The following SYMPK variants were observed in gnomAD, a reference collection of about 807,000 sequenced individuals.
SYMPK encodes symplekin scaffold protein.
A neutral mutation model predicts 136.4 loss-of-function variants in SYMPK; 49 were observed. The ratio of observed to expected loss-of-function variants is 0.36; its 90% CI spans 0.29 to 0.46. The LOEUF (loss-of-function observed/expected upper bound fraction) is 0.46, where lower values mean the gene tolerates loss of function less well. Ranked by LOEUF, SYMPK falls within the 20% of genes least tolerant of loss-of-function variation. The pLI is 1.00. For synonymous variants in SYMPK, 766 were observed against 713.0 expected, an observed-to-expected ratio of 1.07 and a Z score of -1.19; for missense variants, 1,365 against 1,690.0, an observed-to-expected ratio of 0.81 and a Z score of 3.37.
At position 45,827,873 on chromosome 19, in the gene SYMPK, A is replaced by G. The variant is rs1329686722; in HGVS notation, c.2031T>C (p.Ser677=). 6.2e-7 allele frequency: 1 copy of G among 1,613,846 alleles called. No individual in the cohort carries two copies. The highest frequency in any genetic ancestry group is 1.7e-5 in the Admixed American group (1 of 60,020). Residue 677 remains serine (S), a synonymous_variant, in exon 15 of 27, where the codon AGT becomes AGC. Transcript: ENST00000245934. ...VVLEAPLITE[S]ALEVVRKYCE... Reference sequence around the variant, plus strand: ...AGTACTTGCGGACCACCTCCAGGGCACTCTCTGTGATGAGTGGCGCCTCCA... The same window carrying G: ...AGTACTTGCGGACCACCTCCAGGGCGCTCTCTGTGATGAGTGGCGCCTCCA...
intron 14 of SYMPK, chr19:45,828,228 A>G (rs534287902): frequency 3.0e-6 from 1 of 329,226 alleles, no homozygotes; most frequent in East Asian, 7.8e-5. Context: ...GGTATTTTAG[A>G]TATGGTGGCC....
chr19:45,827,951 G>C (rs780086364), intron 14 of SYMPK, 33 bp from the exon 15 acceptor site: 1 of 1,607,704 alleles, frequency 6.2e-7, no homozygotes, highest in East Asian at 2.2e-5. Flanking sequence ...CATGGCTGCA[G>C]AGGAAGAGGC....
At chr19:45,835,047 C>G in intron 11 of SYMPK, 31 bp downstream of exon 11, 2 of 1,493,620 alleles carry the variant, frequency 1.3e-6, no homozygotes, top group Non-Finnish European at 9.0e-7. Flanking sequence ...GTGCCAATCC[C>G]TGGCCCAGGT....
Position 45,851,864 on chromosome 19 carries a change from G to A in SYMPK, c.299+448C>T, listed in dbSNP as rs554240203. Among the ~76,000 whole-genome samples the A allele has an allele frequency of 9.2e-4, 140 of 152,254 alleles. 1 individual carries two copies. Among genetic ancestry groups the A allele is most frequent in the African/African-American group, 3.0e-3 (124 of 41,534 alleles). On this transcript the variant is annotated intron_variant, in intron 5 of 26. Transcript: ENST00000245934. ...ACTCAAGCCTGGACAACAGTTGAGC[G>A]AGACTCCGTCTCAAAACAAACAAAC...
At chr19:45,842,683 A>G in intron 8 of SYMPK, 194 bp from the exon 9 acceptor site, 1 of 660,458 alleles carries the variant, frequency 1.5e-6, no homozygotes, top group Non-Finnish European at 2.5e-6. Context: ...CATCAGTATC[A>G]GTCAATCTTA....
intron 20 of SYMPK, among the ~76,000 whole-genome samples, chr19:45,823,156 C>T (rs73940327): frequency 0.014 from 2,074 of 152,316 alleles, 50 homozygotes; most frequent in African/African-American, 0.047. Flanking sequence ...GAGCCATTGG[C>T]ACCCGGGTGC....
At chr19:45,838,719 A>C in intron 9 of SYMPK, 104 bp from the exon 10 acceptor site, 1 of 1,234,448 alleles carries the variant, frequency 8.1e-7, no homozygotes, top group Non-Finnish European at 1.1e-6. Flanking sequence ...AGCCTCAGCA[A>C]ACAGGAGCAA....
rs143619467 is a variant in SYMPK at position 45,838,542 on chromosome 19, C to T, written c.1161G>A (p.Ala387=). ...PGPSGTSKAS[A]QISGQSDTDI... ...CCGTGTCTGACTGGCCGGAGATCTG[C>T]GCTGAGGCCTTCGAGGTCCCCGACG... The change falls in exon 10 of 27, where the codon GCG becomes GCA. Residue 387 remains alanine, a synonymous_variant. Transcript: ENST00000245934. 98 of 1,614,160 alleles carry T rather than the reference C, an allele frequency of 6.1e-5. No homozygotes were observed. Among genetic ancestry groups the T allele is most frequent in the African/African-American group, 4.5e-4 (34 of 75,050 alleles).
intron 23 of SYMPK, among the ~76,000 whole-genome samples, chr19:45,817,417 C>CTTTTTTTTTTTTTTTTTTTTTTTTTT (rs559430104): frequency 9.2e-6 from 1 of 108,480 alleles, no homozygotes; most frequent in African/African-American, 3.5e-5. Context: ...TTTTTGTTCT[C>CTTTTTTTTTTTTTTTTTTTTTTTTTT]TTTTTTTTTT....
At chr19:45,835,042 A>G in intron 11 of SYMPK, 36 bp downstream of exon 11, 1 of 1,479,440 alleles carries the variant, frequency 6.8e-7, no homozygotes, top group East Asian at 2.3e-5. Flanking sequence ...CACAAGTGCC[A>G]ATCCCTGGCC....
intron 23 of SYMPK, 141 bp downstream of exon 23, chr19:45,817,815 ACTG>A: frequency 2.4e-6 from 2 of 833,054 alleles, no homozygotes; most frequent in East Asian, 2.7e-5. Flanking sequence ...ACCCTGGAGC[ACTG>A]CTATTTTCTT....
At chr19:45,853,873 T>C (rs1051392368) in intron 3 of SYMPK, among the ~76,000 whole-genome samples, 3 of 151,682 alleles carry the variant, frequency 2.0e-5, no homozygotes, top group African/African-American at 7.3e-5. Context: ...TGATGAAGAG[T>C]GTAGGATTTG....
intron 18 of SYMPK, chr19:45,824,154 C>G (rs964070642): frequency 2.3e-5 from 9 of 388,330 alleles, no homozygotes; most frequent in Non-Finnish European, 3.8e-5. Flanking sequence ...GACCTGACCT[C>G]GAATGCCCAC....
rs773759865 is a variant in SYMPK, at chr19:45,827,515, CCTT to C, written c.2173_2175del (p.Lys725del). The C allele has an allele frequency of 4.3e-6, 7 of 1,613,526 alleles. No homozygotes were observed. Among genetic ancestry groups the C allele is most frequent in the Non-Finnish European group, 5.9e-6 (7 of 1,179,594 alleles). ...GAAGTGGAGGAGGGGATCACCTTGTCCTTCTCATGGGAGCTGAGGTCGAGGAGG... is the reference window on the plus strand; with the variant it reads ...GAAGTGGAGGAGGGGATCACCTTGTCCTCATGGGAGCTGAGGTCGAGGAGG... On this transcript the variant is annotated inframe_deletion, in exon 16 of 27. Coordinates refer to ENST00000245934, the MANE Select transcript of SYMPK (RefSeq NM_004819.3).
At position 45,816,351 on chromosome 19, in the gene SYMPK, G is replaced by GAGAC. The variant is rs528836303; in HGVS notation, c.3354+127_3354+130dup. ...AACTCCCAGCAGGAGCATCCCCTGG[G>GAGAC]AGACGGGTGGCCCAGAGGCAGGGGT... On this transcript the variant is annotated intron_variant, in intron 25 of 26. Transcript: ENST00000245934. 4.3e-4 allele frequency: 565 copies of GAGAC among 1,311,526 alleles called. 15 individuals are homozygous for GAGAC. In the South Asian group the frequency reaches 7.8e-3, roughly 18 times the overall value. 81.2% of individuals were successfully genotyped at this position (1,311,526 alleles called of 1,614,324 possible). A position where few individuals can be genotyped will look rare whatever the true frequency, so the allele number is the denominator to read the frequency against.
intron 20 of SYMPK, 39 bp downstream of exon 20, chr19:45,823,333 T>G: frequency 6.3e-7 from 1 of 1,597,902 alleles, no homozygotes. Flanking sequence ...GTCCCACATG[T>G]CCCAGGTAGC....
chr19:45,852,585 G>C, intron 3 of SYMPK, 50 bp from the exon 4 acceptor site: 2 of 1,607,626 alleles, frequency 1.2e-6, no homozygotes, highest in Non-Finnish European at 1.7e-6. Flanking sequence ...TAAAACGAGG[G>C]GCCAATCAAT....
chr19:45,828,880 A>G lies in SYMPK; in HGVS notation c.1985+90T>C. On this transcript the variant is annotated intron_variant, in intron 14 of 26. Coordinates refer to ENST00000245934, the MANE Select transcript of SYMPK (RefSeq NM_004819.3). Reference sequence around the variant, plus strand: ...AGGAGGACTGACTCGGGGGGTGACGAAGAGGGAGGTGGTCGCAATCAGAAA... The same window carrying G: ...AGGAGGACTGACTCGGGGGGTGACGGAGAGGGAGGTGGTCGCAATCAGAAA... 5 of 1,304,686 alleles carry G rather than the reference A, an allele frequency of 3.8e-6. No individual in the cohort carries two copies. In the South Asian group the frequency reaches 6.5e-5, roughly 17 times the overall value. 80.8% of individuals were successfully genotyped at this position (1,304,686 alleles called of 1,614,324 possible).
chr19:45,859,697 G>A (rs995180309), intron 1 of SYMPK, among the ~76,000 whole-genome samples: 2 of 149,998 alleles, frequency 1.3e-5, no homozygotes, highest in Admixed American at 1.3e-4. Flanking sequence ...GGTAGGTCTA[G>A]GTGGGAGGAT....
Sources: gnomAD v4.1 joint callset for allele counts (sites outside exome capture counted in the v4.1 genomes callset) on GRCh38, gnomAD v4.1.1 for gene constraint, MANE v1.5 for transcripts, NCBI Gene and HGNC (gene_info 2026-07-23, HGNC 2026-07-21) for gene names.